The following ADGRL3 variants were observed in gnomAD, a reference collection of about 807,000 sequenced individuals.
ADGRL3 encodes the protein adhesion G protein-coupled receptor L3.
ADGRL3 carries 62 observed loss-of-function variants against 153.5 expected under a neutral mutation model. That is an observed-to-expected ratio of 0.40 (90% confidence interval 0.33 to 0.50). The LOEUF is 0.50. Ranked by LOEUF, ADGRL3 falls within the 20% of genes least tolerant of loss-of-function variation. The pLI, the probability that ADGRL3 is intolerant of heterozygous loss-of-function variation, is 0.47. For missense variants in ADGRL3, 1,641 were observed against 1,859.4 expected, an observed-to-expected ratio of 0.88 and a Z score of 2.16; for synonymous variants, 710 against 672.5, an observed-to-expected ratio of 1.06 and a Z score of -0.86.
At chr4:61,961,852 C>A (rs1011315855) in intron 17 of ADGRL3, among the ~76,000 whole-genome samples, 6 of 152,066 alleles carry the variant, frequency 3.9e-5, no homozygotes, top group Admixed American at 3.9e-4. Flanking sequence ...CCATTAAAAT[C>A]ATTTTATTTC....
chr4:61,679,118 A>C (rs1481581030), intron 6 of ADGRL3, among the ~76,000 whole-genome samples: 1 of 152,002 alleles, frequency 6.6e-6, no homozygotes, highest in African/African-American at 2.4e-5. Context: ...ACCAGCATCT[A>C]CTCGGCTTCT....
intron 3 of ADGRL3, among the ~76,000 whole-genome samples, chr4:61,497,846 A>T (rs1048531776): frequency 1.3e-5 from 2 of 151,954 alleles, no homozygotes; most frequent in Non-Finnish European, 2.9e-5. Context: ...TTTAAGCTGA[A>T]ATAGTTATGA....
chr4:61,763,841 A>G (rs1294790226), intron 8 of ADGRL3, among the ~76,000 whole-genome samples: 1 of 152,160 alleles, frequency 6.6e-6, no homozygotes, highest in Non-Finnish European at 1.5e-5. Context: ...GTATAATACC[A>G]AACAAAGCTA....
chr4:61,682,649 T>C (rs1426295770), intron 6 of ADGRL3, among the ~76,000 whole-genome samples: 4 of 151,194 alleles, frequency 2.6e-5, no homozygotes. Flanking sequence ...TAAGCAATCT[T>C]CCCGCCTAGG....
At chr4:61,493,202 G>A (rs540168108) in intron 2 of ADGRL3, among the ~76,000 whole-genome samples, 85 of 152,242 alleles carry the variant, frequency 5.6e-4, no homozygotes, top group Non-Finnish European at 9.9e-4. Flanking sequence ...AATTAGCACA[G>A]TATTGGAGTT....
intron 21 of ADGRL3, among the ~76,000 whole-genome samples, chr4:62,004,765 C>T (rs1418002579): frequency 6.6e-6 from 1 of 151,958 alleles, no homozygotes; most frequent in Admixed American, 6.6e-5. Flanking sequence ...CATGTATATA[C>T]TGTGAACACT....
chr4:62,052,292 T>C (rs760502619), intron 25 of ADGRL3, among the ~76,000 whole-genome samples: 2 of 151,618 alleles, frequency 1.3e-5, no homozygotes, highest in African/African-American at 2.4e-5. Flanking sequence ...GAAGGAAGTA[T>C]TTCAAAGTGA....
chr4:61,422,736 T>A (rs1414451026), intron 2 of ADGRL3, among the ~76,000 whole-genome samples: 1 of 152,008 alleles, frequency 6.6e-6, no homozygotes, highest in Non-Finnish European at 1.5e-5. Context: ...CCCACATAGT[T>A]TTCACTTACA....
At chr4:61,405,675 G>A (rs1370510410) in intron 2 of ADGRL3, among the ~76,000 whole-genome samples, 1 of 151,856 alleles carries the variant, frequency 6.6e-6, no homozygotes, top group Non-Finnish European at 1.5e-5. Context: ...AATATTTAGA[G>A]ATAAAATAGA....
At chr4:61,872,600 A>T (rs570272614) in intron 9 of ADGRL3, among the ~76,000 whole-genome samples, 15 of 151,612 alleles carry the variant, frequency 9.9e-5, no homozygotes, top group Admixed American at 2.6e-4. Flanking sequence ...GGTTTCATTC[A>T]GACATTTACT....
intron 3 of ADGRL3, among the ~76,000 whole-genome samples, chr4:61,505,584 G>A (rs768632100): frequency 6.6e-5 from 10 of 152,026 alleles, no homozygotes; most frequent in Admixed American, 1.3e-4. Context: ...ATTTTTGGTC[G>A]AGTCTGAATA....
chr4:62,028,032 G>A (rs1375278947), intron 21 of ADGRL3, among the ~76,000 whole-genome samples: 3 of 151,730 alleles, frequency 2.0e-5, no homozygotes, highest in Non-Finnish European at 4.4e-5. Context: ...CTGTCTAGGA[G>A]CTTTATTTGT....
chr4:61,348,287 A>G (rs911859207), intron 1 of ADGRL3, among the ~76,000 whole-genome samples: 1 of 152,056 alleles, frequency 6.6e-6, no homozygotes, highest in African/African-American at 2.4e-5. Context: ...AGGCACATAT[A>G]TTGAAATAAT....
intron 1 of ADGRL3, among the ~76,000 whole-genome samples, chr4:61,336,858 CTT>C (rs573900304): frequency 4.4e-4 from 59 of 134,120 alleles, no homozygotes; most frequent in African/African-American, 9.3e-4. Flanking sequence ...CTTACAGTTC[CTT>C]TTTTTTTTTT....
In ADGRL3 at chr4:61,247,562, C is replaced by A. The variant is rs1757581198; in HGVS notation, c.-240+45797C>A. On this transcript the variant is annotated intron_variant, in intron 1 of 26. Transcript: ENST00000683033. ...TGCCACAATTCAAAGTTGCCCATCT[C>A]TCCTCACCCCGAATGGTAATTAGAT... Among the ~76,000 whole-genome samples the A allele has an allele frequency of 2.6e-5, 4 of 152,100 alleles. No homozygotes were observed. The East Asian group carries it at 7.7e-4, about 29-fold the overall frequency.
chr4:61,896,639 A>G lies in ADGRL3; in HGVS notation c.1887+805A>G, dbSNP rs141883958. The stretch of plus-strand genomic sequence containing the variant: ...ACTGTATAATAATCCATAAATATCT[A>G]CCCAGTAGATCATTTAGCAGATGAG... On this transcript the variant is annotated intron_variant, in intron 11 of 26. Coordinates refer to ENST00000683033, the MANE Select transcript of ADGRL3 (RefSeq NM_001387552.1). 4.6e-5 allele frequency among the ~76,000 whole-genome samples: 7 copies of G among 152,290 alleles called. No individual in the cohort carries two copies. The East Asian group carries it at 1.4e-3, about 29-fold the overall frequency.
chr4:61,686,001 A>G (rs573347954), intron 6 of ADGRL3, among the ~76,000 whole-genome samples: 1 of 144,714 alleles, frequency 6.9e-6, no homozygotes, highest in African/African-American at 2.5e-5. Flanking sequence ...AATTGAGAGC[A>G]TTAAAAAATT....
chr4:61,812,476 T>C (rs1291752145), intron 8 of ADGRL3, among the ~76,000 whole-genome samples: 3 of 152,246 alleles, frequency 2.0e-5, no homozygotes, highest in Non-Finnish European at 2.9e-5. Context: ...CTATGTATCA[T>C]TAACTTTCCT....
chr4:61,703,696 G>A (rs981673138), intron 6 of ADGRL3, among the ~76,000 whole-genome samples: 3 of 152,050 alleles, frequency 2.0e-5, no homozygotes, highest in African/African-American at 7.2e-5. Flanking sequence ...AGTCTTGCTA[G>A]GTAGTGACAG....
Sources: allele counts gnomAD v4.1 joint callset (sites outside exome capture counted in the v4.1 genomes callset), GRCh38; gene constraint gnomAD v4.1.1; transcripts MANE v1.5; gene names NCBI Gene and HGNC (gene_info 2026-07-23, HGNC 2026-07-21).